The following SLC23A2 variants were observed in gnomAD, a reference collection of about 807,000 sequenced individuals.
SLC23A2 encodes Na(+)/L-ascorbic acid transporter 2.
A neutral mutation model predicts 73.3 loss-of-function variants in SLC23A2; 36 were observed. The ratio of observed to expected loss-of-function variants is 0.49; its 90% confidence interval spans 0.38 to 0.65. The LOEUF is 0.65. SLC23A2 is among the 30% of genes least tolerant of loss of function. The pLI, the probability that SLC23A2 is intolerant of heterozygous loss-of-function variation, is 0.00. For missense variants in SLC23A2, 507 were observed against 841.6 expected, an observed-to-expected ratio of 0.60 and a Z score of 4.92; for synonymous variants, 343 against 327.3, an observed-to-expected ratio of 1.05 and a Z score of -0.52.
intron 3 of SLC23A2, among the ~76,000 whole-genome samples, chr20:4,915,862 C>T (rs1400528059): frequency 2.6e-5 from 4 of 152,138 alleles, no homozygotes; most frequent in Admixed American, 6.6e-5. Flanking sequence ...GCAGGAGAAT[C>T]GCTTGAATCC....
intron 5 of SLC23A2, among the ~76,000 whole-genome samples, chr20:4,901,212 T>C (rs948022102): frequency 6.6e-6 from 1 of 151,974 alleles, no homozygotes; most frequent in Non-Finnish European, 1.5e-5. Flanking sequence ...CCAGTCGGGG[T>C]TACCATGGGC....
chr20:4,862,351 A>G lies in SLC23A2; in HGVS notation c.1487-266T>C, dbSNP rs1665365395. Among the ~76,000 whole-genome samples the G allele has an allele frequency of 6.6e-6, 1 of 152,224 alleles. No individual in the cohort carries two copies. Among genetic ancestry groups the G allele is most frequent in the Non-Finnish European group, 1.5e-5 (1 of 68,038 alleles). On this transcript the variant is annotated intron_variant, in intron 14 of 16. Transcript: ENST00000338244. The surrounding 1 kb of genome is among the most constrained non-coding windows in gnomAD (Gnocchi z 5.1). ...TTGTTTGTCAAATAGAAAACTAAGGACATTGGTTCTCTCTCTACACAAACA... is the reference window on the plus strand; with the variant it reads ...TTGTTTGTCAAATAGAAAACTAAGGGCATTGGTTCTCTCTCTACACAAACA...
intron 6 of SLC23A2, among the ~76,000 whole-genome samples, chr20:4,894,003 C>T (rs1457142806): frequency 1.3e-5 from 2 of 152,048 alleles, no homozygotes; most frequent in Non-Finnish European, 2.9e-5. Context: ...CTCAGAGGTG[C>T]CACAAAAGAA....
chr20:4,965,475 T>C (rs2087460176), intron 2 of SLC23A2, among the ~76,000 whole-genome samples: 1 of 152,094 alleles, frequency 6.6e-6, no homozygotes, highest in Non-Finnish European at 1.5e-5. Context: ...CTTTAACTTG[T>C]CAAAATTATA....
intron 7 of SLC23A2, 73 bp downstream of exon 7, chr20:4,885,748 C>T: frequency 9.6e-7 from 1 of 1,043,998 alleles, no homozygotes; most frequent in Non-Finnish European, 1.5e-6. Flanking sequence ...CTGCTGAGGG[C>T]AGCACGTCCA....
At chr20:5,004,269 T>C (rs1251988863), upstream of SLC23A2, among the ~76,000 whole-genome samples, 3 of 152,234 alleles carry the variant, frequency 2.0e-5, no homozygotes, top group East Asian at 5.8e-4. Flanking sequence ...CTCATTTTGC[T>C]ACCAGAAACT....
Position 4,869,924 on chromosome 20 carries a change from G to C in SLC23A2, c.1232C>G (p.Pro411Arg). Residue 411 changes from proline (P) to arginine (R), a missense_variant, in exon 12 of 17, where the codon CCC becomes CGC. By Grantham distance (103) the Pro-to-Arg change is moderately radical. This residue lies in a region of SLC23A2 where 27 missense variants were observed against 18.2 expected (regional missense o/e 1.48). Coordinates refer to ENST00000338244, the MANE Select transcript of SLC23A2 (RefSeq NM_005116.6). ...AACGTACCTGTTTATTGCGTGGATG[G>C]GGGGGGGTGGGGCACAGGACAGCCG... The part of the protein sequence containing the change: ...CARLSCAPPP[P>R]IHAINRGIFV... The C allele has an allele frequency of 6.2e-7, 1 of 1,600,324 alleles. No individual in the cohort carries two copies. The highest frequency in any genetic ancestry group is 8.6e-7 in the Non-Finnish European group (1 of 1,168,122).
intron 9 of SLC23A2, among the ~76,000 whole-genome samples, chr20:4,881,329 G>C (rs1930874826): frequency 6.6e-6 from 1 of 152,178 alleles, no homozygotes; most frequent in Non-Finnish European, 1.5e-5. Context: ...CACCATCAAA[G>C]AAATGCGATT....
intron 6 of SLC23A2, among the ~76,000 whole-genome samples, chr20:4,892,036 G>A (rs972852731): frequency 2.0e-5 from 3 of 152,118 alleles, no homozygotes; most frequent in Non-Finnish European, 4.4e-5. Context: ...ATGCAGGCAT[G>A]AGCCATGGTG....
intron 2 of SLC23A2, among the ~76,000 whole-genome samples, chr20:4,933,947 T>C (rs544624263): frequency 1.3e-5 from 2 of 152,212 alleles, no homozygotes; most frequent in East Asian, 1.9e-4. Flanking sequence ...CTTCATTCAA[T>C]AAACACTTTG....
At chr20:4,946,605 G>C (rs958668752) in intron 2 of SLC23A2, among the ~76,000 whole-genome samples, 7 of 152,166 alleles carry the variant, frequency 4.6e-5, no homozygotes, top group African/African-American at 1.7e-4. Flanking sequence ...CCAGCCCAAA[G>C]ACTTAGTCCC....
At chr20:4,910,743 C>A (rs1331272769) in intron 4 of SLC23A2, among the ~76,000 whole-genome samples, 1 of 152,138 alleles carries the variant, frequency 6.6e-6, no homozygotes, top group African/African-American at 2.4e-5. Flanking sequence ...GCCCAACTAG[C>A]ACTATTTAAT....
At chr20:4,940,540 T>C (rs2087024659) in intron 2 of SLC23A2, among the ~76,000 whole-genome samples, 1 of 151,426 alleles carries the variant, frequency 6.6e-6, no homozygotes, top group African/African-American at 2.4e-5. Context: ...GCCAAGACAA[T>C]TGGTTACCAC....
chr20:4,983,934 C>T (rs2087776028), intron 1 of SLC23A2, among the ~76,000 whole-genome samples: 3 of 147,966 alleles, frequency 2.0e-5, no homozygotes, highest in Non-Finnish European at 4.5e-5. Context: ...CCAGCCTGGG[C>T]AACAAGAGTA....
chr20:4,929,825 C>A (rs528312924), intron 3 of SLC23A2, among the ~76,000 whole-genome samples: 2 of 152,166 alleles, frequency 1.3e-5, no homozygotes, highest in South Asian at 4.1e-4. Flanking sequence ...GAAGAGGATA[C>A]CCAAATCATT....
rs993590583 is a variant in SLC23A2 at position 4,922,303 on chromosome 20, G to A, written c.109-9325C>T. On this transcript the variant is annotated intron_variant, in intron 3 of 16. Transcript: ENST00000338244. ...GAAGAGACCAAGGCTGTGGGGCAGG[G>A]AGATCACACAGAGGTTGTCACGATG... is the stretch of plus-strand genomic sequence containing the variant. Among the ~76,000 whole-genome samples the A allele has an allele frequency of 2.6e-5, 4 of 152,162 alleles. No homozygotes were observed. The East Asian group carries it at 5.8e-4, about 22-fold the overall frequency.
intron 6 of SLC23A2, among the ~76,000 whole-genome samples, chr20:4,897,737 T>C (rs1931597965): frequency 6.6e-6 from 1 of 152,112 alleles, no homozygotes; most frequent in Non-Finnish European, 1.5e-5. Flanking sequence ...TGTGTCCCAT[T>C]AGCAACTTTG....
At chr20:4,921,600 A>G (rs892919683) in intron 3 of SLC23A2, among the ~76,000 whole-genome samples, 1 of 149,032 alleles carries the variant, frequency 6.7e-6, no homozygotes, top group Non-Finnish European at 1.5e-5. Flanking sequence ...AACAATCACA[A>G]CCAAAAAAAA....
At chr20:4,956,995 C>A (rs149734783) in intron 2 of SLC23A2, among the ~76,000 whole-genome samples, 1 of 151,660 alleles carries the variant, frequency 6.6e-6, no homozygotes, top group Non-Finnish European at 1.5e-5. Context: ...TTAGTAGAGA[C>A]GGGGTTTCTC....
Sources: allele counts gnomAD v4.1 joint callset (sites outside exome capture counted in the v4.1 genomes callset), GRCh38; gene constraint gnomAD v4.1.1; regional missense constraint gnomAD v4.1.1; non-coding constraint Gnocchi (gnomAD v3.1); transcripts MANE v1.5; gene names NCBI Gene and HGNC (gene_info 2026-07-23, HGNC 2026-07-21).